SRGAP3: variants seen among roughly 807,000 people sequenced by gnomAD.
SRGAP3 encodes SLIT-ROBO Rho GTPase-activating protein 3.
A neutral mutation model predicts 121.1 loss-of-function variants in SRGAP3; 39 were observed. The ratio of observed to expected loss-of-function variants is 0.32; its 90% CI spans 0.25 to 0.42. The LOEUF (loss-of-function observed/expected upper bound fraction) is 0.42. Among genes scored for constraint, SRGAP3 ranks in the 10% least tolerant of loss-of-function variants. SRGAP3 has a pLI of 1.00. For missense variants in SRGAP3, 1,213 were observed against 1,470.6 expected (o/e 0.82, Z 2.86); for synonymous variants, 601 against 570.0 (o/e 1.05, Z -0.77).
intron 1 of SRGAP3, among the ~76,000 whole-genome samples, chr3:9,338,095 G>A (rs1289319265): frequency 2.6e-5 from 4 of 152,244 alleles, no homozygotes; most frequent in Non-Finnish European, 4.4e-5. Flanking sequence ...ATTTGAAGTC[G>A]TGTGCAGTGA....
chr3:9,120,898 A>G (rs1194868682), intron 2 of SRGAP3, among the ~76,000 whole-genome samples: 1 of 152,224 alleles, frequency 6.6e-6, no homozygotes. Flanking sequence ...CTAGCCCTGA[A>G]CACAGCACAG....
chr3:9,273,479 T>C (rs1263237805), intron 3 of SRGAP3, among the ~76,000 whole-genome samples: 1 of 152,148 alleles, frequency 6.6e-6, no homozygotes, highest in African/African-American at 2.4e-5. Flanking sequence ...TAGGAGTTCT[T>C]TATATAAGCC....
At chr3:9,076,716 C>T (rs999372651) in intron 4 of SRGAP3, among the ~76,000 whole-genome samples, 2 of 149,930 alleles carry the variant, frequency 1.3e-5, no homozygotes, top group African/African-American at 4.9e-5. Flanking sequence ...CTCCCTCCCT[C>T]CTCCTCTCAA....
chr3:9,349,172 C>G lies in SRGAP3; in HGVS notation n.214+13668G>C, dbSNP rs1375430799. On this transcript the variant is annotated intron_variant and non_coding_transcript_variant, in intron 1 of 3. Transcript: ENST00000490889. ...TAAAGCCATGGAAGCTGTGGCTGCCCAGGGTAAGGCCAAGAAGTAAAGGCC... is the reference window on the plus strand; with the variant it reads ...TAAAGCCATGGAAGCTGTGGCTGCCGAGGGTAAGGCCAAGAAGTAAAGGCC... 5.5e-6 allele frequency: 4 copies of G among 731,040 alleles called. No individual in the cohort carries two copies. In the East Asian group the frequency reaches 1.2e-4, roughly 22 times the overall value. The allele number at this position is 731,040 out of a possible 1,614,324, so 45.3% of individuals were successfully genotyped here.
chr3:9,095,637 T>C (rs1560135459), intron 3 of SRGAP3, among the ~76,000 whole-genome samples: 1 of 152,202 alleles, frequency 6.6e-6, no homozygotes, highest in Non-Finnish European at 1.5e-5. Context: ...CAAGTTTCCA[T>C]TTATGGAGGG....
intron 1 of SRGAP3, among the ~76,000 whole-genome samples, chr3:9,142,984 T>C (rs1437076200): frequency 1.3e-5 from 2 of 151,832 alleles, no homozygotes; most frequent in Admixed American, 6.6e-5. Context: ...ACTATAGGCA[T>C]GCACCACCAC....
intron 11 of SRGAP3, chr3:9,036,056 T>C (rs566873593): frequency 6.6e-6 from 1 of 152,378 alleles, no homozygotes; most frequent in Admixed American, 6.5e-5. Context: ...AATACGCTTT[T>C]AAACTTAAGT....
chr3:9,038,882 T>C (rs1452764413), intron 10 of SRGAP3, among the ~76,000 whole-genome samples: 4 of 152,216 alleles, frequency 2.6e-5, no homozygotes, highest in African/African-American at 9.6e-5. Flanking sequence ...ATGTTCTGGA[T>C]ATGCATGACC....
intron 3 of SRGAP3, among the ~76,000 whole-genome samples, chr3:9,276,540 C>G (rs1306109390): frequency 2.0e-5 from 3 of 152,032 alleles, no homozygotes; most frequent in Non-Finnish European, 1.5e-5. Context: ...ATTCTCCTGC[C>G]TCAGCCTCCT....
chr3:9,159,503 G>A (rs185412522), intron 1 of SRGAP3, among the ~76,000 whole-genome samples: 373 of 152,280 alleles, frequency 2.4e-3, no homozygotes, highest in African/African-American at 8.7e-3. Flanking sequence ...CGCCACATCA[G>A]TGAGAGAGAT....
intron 1 of SRGAP3, among the ~76,000 whole-genome samples, chr3:9,356,122 C>T (rs2030484599): frequency 6.6e-6 from 1 of 151,876 alleles, no homozygotes. Context: ...CAGTAACATA[C>T]TACCGGTGAA....
At position 9,064,537 on chromosome 3, in the gene SRGAP3, C is replaced by T. The variant is rs146407315; in HGVS notation, c.531G>A (p.Ala177=). The T allele has an allele frequency of 1.3e-4, 216 of 1,614,096 alleles. No homozygotes were observed. The highest frequency in any genetic ancestry group is 9.3e-5 in the African/African-American group (7 of 75,016). Residue 177 remains alanine (A), a synonymous_variant, in exon 5 of 22, where the codon GCG becomes GCA. Coordinates refer to ENST00000383836, the MANE Select transcript of SRGAP3 (RefSeq NM_014850.4). ...YHMYHAESIS[A]ESKLKEAEKQ... ...TCTCAGCCTCCTTCAGCTTGCTTTC[C>T]GCACTGATGCTCTCTGCATGGTACA...
chr3:9,016,912 T>C (rs1382977583), intron 14 of SRGAP3, among the ~76,000 whole-genome samples: 1 of 152,208 alleles, frequency 6.6e-6, no homozygotes, highest in Non-Finnish European at 1.5e-5. Context: ...TGAATTGTGA[T>C]TACCCATTAC....
intron 8 of SRGAP3, among the ~76,000 whole-genome samples, chr3:9,054,587 C>T (rs1265799623): frequency 3.3e-5 from 5 of 152,354 alleles, no homozygotes; most frequent in Non-Finnish European, 5.9e-5. Context: ...TGTGGCCCAA[C>T]CACCTTGGGT....
rs111889571 is a variant in SRGAP3, at chr3:9,003,507, A to C, written c.2227+6801T>G. Among the ~76,000 whole-genome samples the C allele has an allele frequency of 4.9e-4, 37 of 75,082 alleles. No homozygotes were observed. The East Asian group carries it at 8.4e-3, about 17-fold the overall frequency. 49.3% of individuals were successfully genotyped at this position (75,082 alleles called of 152,430 possible). On this transcript the variant is annotated intron_variant, in intron 18 of 21. Coordinates refer to ENST00000383836, the MANE Select transcript of SRGAP3 (RefSeq NM_014850.4). The stretch of plus-strand genomic sequence containing the variant: ...ACAAACAAACAAACAAACAAACAAA[A>C]AAATCACTAGCGAGCCAAATGCAGT...
intron 1 of SRGAP3, among the ~76,000 whole-genome samples, chr3:9,359,228 A>C (rs2030671278): frequency 6.6e-6 from 1 of 152,226 alleles, no homozygotes; most frequent in African/African-American, 2.4e-5. Context: ...GTTCAGGTAC[A>C]TTCTTGGTCT....
At chr3:9,162,736 G>A (rs186531349) in intron 1 of SRGAP3, among the ~76,000 whole-genome samples, 181 of 152,338 alleles carry the variant, frequency 1.2e-3, no homozygotes, top group South Asian at 2.1e-3. Flanking sequence ...CAGCATGGCT[G>A]GACCCTGGGC....
chr3:9,198,594 A>C (rs992723364), intron 1 of SRGAP3, among the ~76,000 whole-genome samples: 1 of 152,198 alleles, frequency 6.6e-6, no homozygotes, highest in Non-Finnish European at 1.5e-5. Context: ...AGGGCCCTCC[A>C]AATTAGGTAT....
chr3:9,245,254 C>A (rs532888813), intron 1 of SRGAP3, among the ~76,000 whole-genome samples: 1 of 152,334 alleles, frequency 6.6e-6, no homozygotes, highest in African/African-American at 2.4e-5. Context: ...CCCATTTAGA[C>A]AGAACATGTA....
Sources: allele counts gnomAD v4.1 joint callset (sites outside exome capture counted in the v4.1 genomes callset), GRCh38; gene constraint gnomAD v4.1.1; transcripts MANE v1.5; gene names NCBI Gene and HGNC (gene_info 2026-07-23, HGNC 2026-07-21).